The following RYR3 variants were observed in gnomAD, a reference collection of about 807,000 sequenced individuals.
RYR3 encodes brain ryanodine receptor-calcium release channel.
In RYR3, 207 loss-of-function variants were observed where a neutral mutation model predicts 584.3. That is an observed-to-expected ratio of 0.35 (90% CI 0.32 to 0.40). RYR3 has a LOEUF of 0.40. Among genes scored for constraint, RYR3 ranks in the 10% least tolerant of loss-of-function variants. The pLI is 1.00. For synonymous variants in RYR3, 2,416 were observed against 2,248.5 expected, an observed-to-expected ratio of 1.07 and a Z score of -2.11; for missense variants, 5,616 against 6,089.2, an observed-to-expected ratio of 0.92 and a Z score of 2.59.
At chr15:33,826,911 T>C (rs569482479) in intron 84 of RYR3, among the ~76,000 whole-genome samples, 159 bp downstream of exon 84, 67 of 152,158 alleles carry the variant, frequency 4.4e-4, no homozygotes, top group Non-Finnish European at 9.0e-4. Context: ...GCTAGTGATA[T>C]TTAGTGCCAC....
chr15:33,705,923 T>A (rs762769943), intron 42 of RYR3, among the ~76,000 whole-genome samples: 1 of 152,210 alleles, frequency 6.6e-6, no homozygotes, highest in African/African-American at 2.4e-5. Context: ...TCTCCCCAGA[T>A]GTACGCTAGC....
chr15:33,572,953 A>G (rs2058110455), intron 12 of RYR3, among the ~76,000 whole-genome samples: 1 of 152,208 alleles, frequency 6.6e-6, no homozygotes, highest in South Asian at 2.1e-4. Flanking sequence ...CAACCTGGGC[A>G]ACAACAGCGA....
Position 33,788,345 on chromosome 15 carries a change from T to G in RYR3, c.9717T>G (p.Asp3239Glu). The G allele has an allele frequency of 3.1e-6, 5 of 1,613,896 alleles. No homozygotes were observed. The South Asian group carries it at 5.5e-5, about 18-fold the overall frequency. The change falls in exon 67 of 104, where the codon GAT becomes GAG. Residue 3239 changes from aspartate (D) to glutamate (E), a missense_variant. Asp to Glu is a conservative substitution (Grantham distance 45, BLOSUM62 2). This residue lies in a region of RYR3 where 954 missense variants were observed against 1,132.2 expected (regional missense o/e 0.84). Transcript: ENST00000634891. The stretch of plus-strand genomic sequence containing the variant: ...AGGAGGAGGAGCAGTTGAAAGCCGA[T>G]GGCAAAGGGGACACCCAGGAGGCAG... ...TVQEEEQLKADGKGDTQEAEL... is the reference protein window; with the variant it reads ...TVQEEEQLKAEGKGDTQEAEL...
chr15:33,345,056 G>A (rs1972276799), intron 1 of RYR3, among the ~76,000 whole-genome samples: 1 of 152,056 alleles, frequency 6.6e-6, no homozygotes, highest in Admixed American at 6.6e-5. Context: ...GAGAACTCAG[G>A]TTGTCTCGTT....
chr15:33,569,766 C>G (rs1472647078), intron 12 of RYR3, among the ~76,000 whole-genome samples: 1 of 151,944 alleles, frequency 6.6e-6, no homozygotes, highest in Admixed American at 6.6e-5. Flanking sequence ...TACTATCTGA[C>G]TTTTTGATTG....
intron 14 of RYR3, among the ~76,000 whole-genome samples, chr15:33,583,827 G>A (rs995878049): frequency 1.1e-4 from 16 of 152,122 alleles, no homozygotes; most frequent in South Asian, 8.3e-4. Flanking sequence ...TGAGGCAGGT[G>A]GATCACTTGA....
chr15:33,358,331 C>CA (rs771985198), intron 1 of RYR3, among the ~76,000 whole-genome samples: 8 of 152,204 alleles, frequency 5.3e-5, no homozygotes, highest in Non-Finnish European at 1.0e-4. Flanking sequence ...ATCTGGAACT[C>CA]AGTCTATCAA....
rs761999537 is a variant in RYR3 at position 33,854,758 on chromosome 15, A to C, written c.13861-8A>C. On this transcript the variant is annotated splice_region_variant and splice_polypyrimidine_tract_variant and intron_variant, in intron 97 of 103. Coordinates refer to ENST00000634891, the MANE Select transcript of RYR3 (RefSeq NM_001036.6). ...CATGCTTAAAAGTCTGCTTTCTTCC[A>C]TTCCCAGTCCTTTCTCTACCTTGCC... 2 of 1,592,432 alleles carry C rather than the reference A, an allele frequency of 1.3e-6. No homozygotes were observed. Among genetic ancestry groups the C allele is most frequent in the African/African-American group, 2.7e-5 (2 of 73,638 alleles).
chr15:33,505,796 A>T (rs990080940), intron 3 of RYR3, among the ~76,000 whole-genome samples: 1 of 151,968 alleles, frequency 6.6e-6, no homozygotes, highest in Non-Finnish European at 1.5e-5. Flanking sequence ...CTGGCCGGGA[A>T]ACTTTTTTTT....
At chr15:33,433,542 T>C (rs760646070) in intron 1 of RYR3, among the ~76,000 whole-genome samples, 1 of 152,168 alleles carries the variant, frequency 6.6e-6, no homozygotes, top group Non-Finnish European at 1.5e-5. Flanking sequence ...AGTAAGTAAA[T>C]AAATGCAGTC....
At chr15:33,350,812 A>G (rs1374601049) in intron 1 of RYR3, among the ~76,000 whole-genome samples, 3 of 151,296 alleles carry the variant, frequency 2.0e-5, no homozygotes, top group Non-Finnish European at 3.0e-5. Context: ...AAAGCAGGAA[A>G]GATCCAAAAT....
rs150382578 is a variant in RYR3, at chr15:33,820,570, G to A, written c.10759-186G>A. 246 of 572,112 alleles carry A rather than the reference G, an allele frequency of 4.3e-4. 3 individuals carry two copies. Among genetic ancestry groups the A allele is most frequent in the African/African-American group, 2.9e-3 (153 of 53,244 alleles). The allele number at this position is 572,112 out of a possible 1,614,324, so 35.4% of individuals were successfully genotyped here. ...CATTTCTGAACTCTATGGTAACTGC[G>A]AAGATGGCATTTACAGGAGAAATGT... On this transcript the variant is annotated intron_variant, in intron 77 of 103. Coordinates refer to ENST00000634891, the MANE Select transcript of RYR3 (RefSeq NM_001036.6).
chr15:33,760,377 C>T (rs772009681), intron 60 of RYR3, among the ~76,000 whole-genome samples: 28 of 151,832 alleles, frequency 1.8e-4, no homozygotes, highest in Admixed American at 9.2e-4. Flanking sequence ...TGCAAAGACA[C>T]ACATAGGCTC....
chr15:33,587,486 C>T (rs533113209), intron 16 of RYR3, among the ~76,000 whole-genome samples: 4 of 152,308 alleles, frequency 2.6e-5, no homozygotes, highest in South Asian at 2.1e-4. Context: ...GCATTTGATG[C>T]ATGTCACTTG....
At chr15:33,367,584 T>G (rs1975687878) in intron 1 of RYR3, among the ~76,000 whole-genome samples, 1 of 152,228 alleles carries the variant, frequency 6.6e-6, no homozygotes, top group African/African-American at 2.4e-5. Flanking sequence ...TGCCCAGGCT[T>G]TGGCTAGATG....
chr15:33,841,501 G>A (rs1447722992), intron 90 of RYR3, among the ~76,000 whole-genome samples: 1 of 152,182 alleles, frequency 6.6e-6, no homozygotes, highest in Non-Finnish European at 1.5e-5. Flanking sequence ...TATGTGTCAG[G>A]CCTGTGCTCA....
chr15:33,491,509 C>T (rs943124280), intron 2 of RYR3, among the ~76,000 whole-genome samples: 1 of 152,196 alleles, frequency 6.6e-6, no homozygotes, highest in African/African-American at 2.4e-5. Context: ...TGTGGCATTG[C>T]TCCATCAGTT....
At chr15:33,506,421 A>G (rs1056412706) in intron 3 of RYR3, among the ~76,000 whole-genome samples, 1 of 152,222 alleles carries the variant, frequency 6.6e-6, no homozygotes, top group African/African-American at 2.4e-5. Context: ...GTTAATATCT[A>G]TAGAATTATC....
chr15:33,438,065 C>T (rs1165911290), intron 1 of RYR3, among the ~76,000 whole-genome samples: 3 of 152,130 alleles, frequency 2.0e-5, no homozygotes, highest in Non-Finnish European at 4.4e-5. Flanking sequence ...CAGAGATAAC[C>T]TCTAACCAGA....
Sources: gnomAD v4.1 joint callset for allele counts (sites outside exome capture counted in the v4.1 genomes callset) on GRCh38, gnomAD v4.1.1 for gene constraint, gnomAD v4.1.1 regional missense constraint, MANE v1.5 for transcripts, NCBI Gene and HGNC (gene_info 2026-07-23, HGNC 2026-07-21) for gene names.